RB1: variants seen among roughly 807,000 people sequenced by gnomAD.
The protein encoded by RB1 is retinoblastoma-associated protein.
Under a neutral mutation model 135.4 loss-of-function variants are expected in RB1, and 18 were observed. That is an observed-to-expected ratio of 0.13 (90% confidence interval 0.09 to 0.20). RB1 has a LOEUF of 0.20. RB1 is among the 10% of genes least tolerant of loss of function. RB1 has a pLI of 1.00. For missense variants in RB1, 868 were observed against 1,110.0 expected (o/e 0.78, Z 3.10); for synonymous variants, 365 against 373.2 (o/e 0.98, Z 0.25).
At position 48,401,725 on chromosome 13, in the gene RB1, A is replaced by G. The variant is rs534373424; in HGVS notation, c.1695+20282A>G. On this transcript the variant is annotated intron_variant, in intron 17 of 26. Transcript: ENST00000267163. ...TTTTTGGTGTCTTCCTGTAAGTGCT[A>G]GATTTAGAACATGATAAGGAAACGT... Among the ~76,000 whole-genome samples, 11 of 152,318 alleles carry G rather than the reference A, an allele frequency of 7.2e-5. No individual in the cohort carries two copies. In the South Asian group the frequency reaches 2.3e-3, roughly 32 times the overall value.
At chr13:48,391,386 G>A (rs184386783) in intron 17 of RB1, 45 of 152,192 alleles carry the variant, frequency 3.0e-4, no homozygotes, top group Middle Eastern at 3.4e-3. Flanking sequence ...GTTTTTATTT[G>A]ATTACATATT....
chr13:48,325,987 C>T (rs761646271), intron 2 of RB1, among the ~76,000 whole-genome samples: 3 of 152,170 alleles, frequency 2.0e-5, no homozygotes, highest in Non-Finnish European at 2.9e-5. Flanking sequence ...CGTGACCACT[C>T]TGCTTAATAC....
chr13:48,462,648 A>G (rs1269331488), intron 20 of RB1, among the ~76,000 whole-genome samples: 3 of 152,286 alleles, frequency 2.0e-5, no homozygotes, highest in East Asian at 3.9e-4. Flanking sequence ...CTTTAGTGTC[A>G]TATCTAAGAA....
In RB1 at chr13:48,480,539, T is replaced by C. The variant is rs1483269368; in HGVS notation, c.*468T>C. 4.4e-6 allele frequency: 1 copy of C among 228,322 alleles called. No homozygotes were observed. Among genetic ancestry groups the C allele is most frequent in the Admixed American group, 5.6e-5 (1 of 17,782 alleles). 14.1% of individuals were successfully genotyped at this position (228,322 alleles called of 1,614,324 possible). On this transcript the variant is annotated 3_prime_UTR_variant, in exon 27 of 27. Transcript: ENST00000267163. ...TATCTATCTTCCAAATGCAATTTGA[T>C]TGACTGCCCATTCACCAAAATTATC...
At chr13:48,350,459 A>C (rs1566188837) in intron 6 of RB1, among the ~76,000 whole-genome samples, 1 of 152,182 alleles carries the variant, frequency 6.6e-6, no homozygotes, top group African/African-American at 2.4e-5. Context: ...GAAATTAAAA[A>C]AATTTTTGAA....
chr13:48,352,972 A>G (rs73488925), intron 6 of RB1, among the ~76,000 whole-genome samples: 11,120 of 152,198 alleles, frequency 0.073, 1,102 homozygotes, highest in African/African-American at 0.22. Flanking sequence ...CACATTCAGT[A>G]TGATGTTGGC....
intron 2 of RB1, chr13:48,317,528 C>A (rs2138049822): frequency 2.3e-6 from 1 of 439,580 alleles, no homozygotes; most frequent in East Asian, 5.9e-5. Context: ...CCTCCGGCCT[C>A]GGTGCCCGCT....
At chr13:48,348,870 A>G in intron 5 of RB1, 86 bp from the exon 6 acceptor site, 1 of 1,490,660 alleles carries the variant, frequency 6.7e-7, no homozygotes. Flanking sequence ...ATGCACAAAA[A>G]GAAACACCCA....
intron 24 of RB1, chr13:48,476,300 T>G (rs1949503742): frequency 4.8e-6 from 1 of 209,780 alleles, no homozygotes; most frequent in African/African-American, 2.4e-5. Context: ...GTGACCTTCC[T>G]TCTGGTTGTA....
intron 17 of RB1, chr13:48,412,387 C>G (rs1030838293): frequency 3.7e-6 from 6 of 1,613,902 alleles, no homozygotes; most frequent in Non-Finnish European, 5.1e-6. Flanking sequence ...TTAAAGGAGT[C>G]ATTATAGAAG....
chr13:48,423,592 C>T (rs752795210), intron 17 of RB1, among the ~76,000 whole-genome samples: 2 of 151,790 alleles, frequency 1.3e-5, no homozygotes, highest in African/African-American at 2.4e-5. Flanking sequence ...AAAGAGGAAT[C>T]GATTAAAACT....
intron 11 of RB1, among the ~76,000 whole-genome samples, chr13:48,372,399 G>A (rs545396875): frequency 2.0e-5 from 3 of 152,228 alleles, no homozygotes; most frequent in East Asian, 1.9e-4. Flanking sequence ...GGTGGCTCAC[G>A]CCTGTAATCC....
At chr13:48,385,757 A>G (rs1321396642) in intron 17 of RB1, among the ~76,000 whole-genome samples, 2 of 152,236 alleles carry the variant, frequency 1.3e-5, no homozygotes, top group Non-Finnish European at 2.9e-5. Context: ...GTTCAAGTTA[A>G]GCAAAGATAA....
chr13:48,417,630 A>C (rs1948935719), intron 17 of RB1, among the ~76,000 whole-genome samples: 1 of 152,180 alleles, frequency 6.6e-6, no homozygotes, highest in South Asian at 2.1e-4. Flanking sequence ...GGAAGCTAAA[A>C]ACCTTGAAAA....
At chr13:48,449,676 A>G (rs920335249) in intron 17 of RB1, among the ~76,000 whole-genome samples, 1 of 152,126 alleles carries the variant, frequency 6.6e-6, no homozygotes, top group Non-Finnish European at 1.5e-5. Context: ...GTGAGCCATG[A>G]TTGTGCCACT....
At chr13:48,316,872 G>T in intron 2 of RB1, 1 of 327,344 alleles carries the variant, frequency 3.1e-6, no homozygotes, top group South Asian at 5.0e-5. Flanking sequence ...CTTCACTGCT[G>T]AGCTGCCGCC....
chr13:48,365,234 A>C (rs1287791326), intron 9 of RB1, among the ~76,000 whole-genome samples: 2 of 152,288 alleles, frequency 1.3e-5, no homozygotes, highest in African/African-American at 4.8e-5. Flanking sequence ...CAAAGTATAG[A>C]CTTTTAAACT....
chr13:48,347,153 A>G (rs1223710494), intron 4 of RB1, among the ~76,000 whole-genome samples: 1 of 152,090 alleles, frequency 6.6e-6, no homozygotes, highest in African/African-American at 2.4e-5. Flanking sequence ...ACAAAGCATT[A>G]CATTGTATAT....
At chr13:48,426,910 G>C (rs918031882) in intron 17 of RB1, 1 of 152,352 alleles carries the variant, frequency 6.6e-6, no homozygotes, top group African/African-American at 2.4e-5. Flanking sequence ...TCAGCTTCTG[G>C]TGAGTCCTGA....
Sources: gnomAD v4.1 joint callset for allele counts (sites outside exome capture counted in the v4.1 genomes callset) on GRCh38, gnomAD v4.1.1 for gene constraint, MANE v1.5 for transcripts, NCBI Gene and HGNC (gene_info 2026-07-23, HGNC 2026-07-21) for gene names.